The following MYLK variants were observed in gnomAD, a reference collection of about 807,000 sequenced individuals.
MYLK encodes the protein myosin light chain kinase, also known as myosin light chain kinase, smooth muscle.
Under a neutral mutation model 203.4 loss-of-function variants are expected in MYLK, and 106 were observed. The observed-to-expected ratio is 0.52, with a 90% CI of 0.45 to 0.61. MYLK has a LOEUF of 0.61. Ranked by LOEUF, MYLK falls within the 20% of genes least tolerant of loss-of-function variation. The pLI is 0.00. For synonymous variants in MYLK, 867 were observed against 959.5 expected (o/e 0.90, Z 1.78); for missense variants, 2,072 against 2,442.3 (o/e 0.85, Z 3.20).
At chr3:123,848,046 T>C (rs2030247005) in intron 2 of MYLK, among the ~76,000 whole-genome samples, 1 of 152,072 alleles carries the variant, frequency 6.6e-6, no homozygotes, top group African/African-American at 2.4e-5. Context: ...GTTTAAATTC[T>C]TTATAATTGT....
chr3:123,614,344 G>A lies in MYLK; in HGVS notation c.5506C>T (p.Pro1836Ser). ...ARFDCKIEGY[P>S]DPEVVWFKDD... Reference sequence around the variant, plus strand: ...TTGAACCAGACAACCTCGGGGTCTGGGTATCCTGCATCACAGGGAGAGAAC... The same window carrying A: ...TTGAACCAGACAACCTCGGGGTCTGAGTATCCTGCATCACAGGGAGAGAAC... Residue 1836 changes from proline (P) to serine (S), a missense_variant, in exon 34 of 34, where the codon CCA (proline) becomes TCA (serine). Pro to Ser is a moderately conservative substitution (Grantham distance 74). Transcript: ENST00000360304. 6.2e-7 allele frequency: 1 copy of A among 1,614,150 alleles called. No individual in the cohort carries two copies. Among genetic ancestry groups the A allele is most frequent in the Non-Finnish European group, 8.5e-7 (1 of 1,180,030 alleles).
chr3:123,760,307 T>C lies in MYLK; in HGVS notation c.166-7769A>G, dbSNP rs1032336142. ...GACTCTCCTGCCTCAGCCTCCCGAG[T>C]AGCTGGGATTACAGGCATGCACCAC... is the stretch of plus-strand genomic sequence containing the variant. On this transcript the variant is annotated intron_variant, in intron 4 of 33. Coordinates refer to ENST00000360304, the MANE Select transcript of MYLK (RefSeq NM_053025.4). Among the ~76,000 whole-genome samples, 5 of 152,210 alleles carry C rather than the reference T, an allele frequency of 3.3e-5. No homozygotes were observed. In the South Asian group the frequency reaches 1.0e-3, roughly 32 times the overall value.
intron 11 of MYLK, among the ~76,000 whole-genome samples, chr3:123,728,069 G>T (rs953627283): frequency 6.6e-6 from 1 of 152,106 alleles, no homozygotes; most frequent in South Asian, 2.1e-4. Flanking sequence ...GATAGGATGT[G>T]GAATGGCAAA....
chr3:123,663,413 C>T (rs1291019738), intron 23 of MYLK, among the ~76,000 whole-genome samples: 2 of 151,990 alleles, frequency 1.3e-5, no homozygotes, highest in South Asian at 2.1e-4. Flanking sequence ...GGGGGTGAGG[C>T]CATAGGCAGC....
chr3:123,631,703 G>A (rs904416540), intron 29 of MYLK, among the ~76,000 whole-genome samples: 3 of 152,048 alleles, frequency 2.0e-5, no homozygotes, highest in Non-Finnish European at 4.4e-5. Context: ...ATAGATCTTT[G>A]TGGATGGGAT....
chr3:123,645,063 T>C (rs911083189), intron 27 of MYLK, among the ~76,000 whole-genome samples: 1 of 152,188 alleles, frequency 6.6e-6, no homozygotes, highest in African/African-American at 2.4e-5. Context: ...TCAAAAAGTA[T>C]TTTTAAGTGG....
intron 4 of MYLK, among the ~76,000 whole-genome samples, chr3:123,760,741 ACT>A (rs1157611343): frequency 6.6e-6 from 1 of 152,126 alleles, no homozygotes; most frequent in African/African-American, 2.4e-5. Context: ...AAGGCATCAC[ACT>A]CTTAACTAGG....
intron 32 of MYLK, among the ~76,000 whole-genome samples, chr3:123,619,059 A>G (rs2057692935): frequency 6.6e-6 from 1 of 152,216 alleles, no homozygotes; most frequent in Non-Finnish European, 1.5e-5. Context: ...TTCTGGCTGC[A>G]TTTCATGCTG....
chr3:123,708,293 G>T (rs373661681), intron 15 of MYLK, among the ~76,000 whole-genome samples: 1 of 152,210 alleles, frequency 6.6e-6, no homozygotes, highest in East Asian at 1.9e-4. Context: ...TATCCAATGC[G>T]TGTGATTAAG....
chr3:123,749,025 T>C (rs2063109158), intron 5 of MYLK, among the ~76,000 whole-genome samples: 1 of 151,880 alleles, frequency 6.6e-6, no homozygotes, highest in Non-Finnish European at 1.5e-5. Context: ...GCCAAGATCA[T>C]GTCACAGCAC....
In MYLK at chr3:123,789,820, C is replaced by A. The variant is rs185178198; in HGVS notation, c.165+3857G>T. On this transcript the variant is annotated intron_variant, in intron 4 of 33. Coordinates refer to ENST00000360304, the MANE Select transcript of MYLK (RefSeq NM_053025.4). Reference sequence around the variant, plus strand: ...CCTGCTGGTTCAAGCCTAATGGCCACAGCCAGGGAGTGAATGAATTCTTCG... The same window carrying A: ...CCTGCTGGTTCAAGCCTAATGGCCAAAGCCAGGGAGTGAATGAATTCTTCG... 9.9e-5 allele frequency among the ~76,000 whole-genome samples: 15 copies of A among 152,256 alleles called. No individual in the cohort carries two copies. In the East Asian group the frequency reaches 2.5e-3, roughly 26 times the overall value.
intron 1 of MYLK, among the ~76,000 whole-genome samples, chr3:123,883,451 AT>A (rs569794674): frequency 7.9e-5 from 12 of 152,004 alleles, no homozygotes; most frequent in South Asian, 2.1e-4. Context: ...TCTAAAAAAA[AT>A]ATATATCCTT....
At chr3:123,856,698 G>C (rs2031405690) in intron 2 of MYLK, among the ~76,000 whole-genome samples, 1 of 152,100 alleles carries the variant, frequency 6.6e-6, no homozygotes, top group African/African-American at 2.4e-5. Flanking sequence ...GGCTGGACTT[G>C]AATTCACATA....
chr3:123,822,632 C>T (rs2065975796), intron 3 of MYLK, among the ~76,000 whole-genome samples: 1 of 152,208 alleles, frequency 6.6e-6, no homozygotes, highest in African/African-American at 2.4e-5. Flanking sequence ...AGTTCTATGA[C>T]CACGTTTGTG....
At chr3:123,851,976 G>A (rs1370647469) in intron 2 of MYLK, among the ~76,000 whole-genome samples, 1 of 152,138 alleles carries the variant, frequency 6.6e-6, no homozygotes, top group Non-Finnish European at 1.5e-5. Context: ...TTTTGTCAAA[G>A]GCCTTTTCTG....
chr3:123,690,075 G>T (rs1264591785), intron 19 of MYLK, among the ~76,000 whole-genome samples: 1 of 152,134 alleles, frequency 6.6e-6, no homozygotes, highest in African/African-American at 2.4e-5. Flanking sequence ...CGACTTTCAG[G>T]GGCCAGGCCA....
At chr3:123,735,122 C>G (rs979187042) in intron 9 of MYLK, 1 of 472,614 alleles carries the variant, frequency 2.1e-6, no homozygotes, top group South Asian at 2.1e-5. Flanking sequence ...CAGTGTTCTT[C>G]CTCAGGATGC....
chr3:123,701,296 C>T, intron 17 of MYLK, 142 bp downstream of exon 17: 1 of 912,264 alleles, frequency 1.1e-6, no homozygotes, highest in South Asian at 1.5e-5. Flanking sequence ...CCTCATTCCC[C>T]TTCCAGGCTC....
At chr3:123,747,065 C>T (rs1337787321) in intron 5 of MYLK, among the ~76,000 whole-genome samples, 1 of 152,184 alleles carries the variant, frequency 6.6e-6, no homozygotes, top group Non-Finnish European at 1.5e-5. Flanking sequence ...TGTATAATGT[C>T]ATCAATCCAA....
Sources: allele counts gnomAD v4.1 joint callset (sites outside exome capture counted in the v4.1 genomes callset), GRCh38; gene constraint gnomAD v4.1.1; transcripts MANE v1.5; gene names NCBI Gene and HGNC (gene_info 2026-07-23, HGNC 2026-07-21).